Variants in COL14A1 observed in about 807,000 individuals in gnomAD.
The protein encoded by COL14A1 is collagen type XIV alpha 1 chain.
In COL14A1, 136 loss-of-function variants were observed where a neutral mutation model predicts 230.3. The observed-to-expected ratio is 0.59, with a 90% CI of 0.51 to 0.68. COL14A1 has a LOEUF of 0.68. Among genes scored for constraint, COL14A1 ranks in the 30% least tolerant of loss-of-function variants. COL14A1 has a pLI of 0.00. For synonymous variants in COL14A1, 792 were observed against 784.1 expected, an observed-to-expected ratio of 1.01 and a Z score of -0.17; for missense variants, 1,976 against 2,215.8, an observed-to-expected ratio of 0.89 and a Z score of 2.17.
chr8:120,315,563 G>A lies in COL14A1; in HGVS notation c.4582G>A (p.Asp1528Asn), dbSNP rs745550897. ...GMPGEKGEKG[D>N]TGLPGPQGIP... ...GCCAGGAGAAAAAGGAGAGAAAGGA[G>A]ATACTGGCCTTCCAGGTCCACAGGT... The change falls in exon 39 of 48, where the codon GAT becomes AAT. Residue 1528 changes from aspartate to asparagine, a missense_variant. Asp to Asn is a conservative substitution (Grantham distance 23). Coordinates refer to ENST00000297848, the MANE Select transcript of COL14A1 (RefSeq NM_021110.4). The A allele has an allele frequency of 1.9e-6, 3 of 1,613,546 alleles. No homozygotes were observed. Among genetic ancestry groups the A allele is most frequent in the Non-Finnish European group, 2.5e-6 (3 of 1,179,602 alleles).
chr8:120,246,395 T>G (rs1417265216), intron 20 of COL14A1, among the ~76,000 whole-genome samples: 1 of 152,170 alleles, frequency 6.6e-6, no homozygotes, highest in Non-Finnish European at 1.5e-5. Flanking sequence ...TTCAAACTTT[T>G]CACTCCACCT....
chr8:120,190,194 G>T (rs1402206026), intron 5 of COL14A1, among the ~76,000 whole-genome samples: 2 of 152,024 alleles, frequency 1.3e-5, no homozygotes, highest in Admixed American at 1.3e-4. Flanking sequence ...GTGTGAGATG[G>T]TATCTCATTA....
rs190861570 is a variant in COL14A1 at position 120,252,736 on chromosome 8, G to A, written c.2752+1970G>A. Among the ~76,000 whole-genome samples, 279 of 152,264 alleles carry A rather than the reference G, an allele frequency of 1.8e-3. 1 individual carries two copies. The highest frequency in any genetic ancestry group is 3.2e-3 in the Non-Finnish European group (218 of 68,030). On this transcript the variant is annotated intron_variant, in intron 22 of 47. Coordinates refer to ENST00000297848, the MANE Select transcript of COL14A1 (RefSeq NM_021110.4). The stretch of plus-strand genomic sequence containing the variant: ...TCAATAAATAACTACTATTATTATT[G>A]TAATGATGGGGCTTTATGCACTTGC...
intron 2 of COL14A1, among the ~76,000 whole-genome samples, chr8:120,153,270 C>T (rs1021702483): frequency 1.3e-5 from 2 of 152,152 alleles, no homozygotes; most frequent in African/African-American, 4.8e-5. Context: ...ATGGCCTCCA[C>T]GTCCTGGGCT....
chr8:120,314,231 C>T (rs1563732850), intron 38 of COL14A1, among the ~76,000 whole-genome samples: 1 of 152,208 alleles, frequency 6.6e-6, no homozygotes, highest in East Asian at 1.9e-4. Flanking sequence ...TACATGCATA[C>T]TTATTGGAGG....
At chr8:120,172,178 T>A (rs1816114482) in intron 5 of COL14A1, among the ~76,000 whole-genome samples, 2 of 151,640 alleles carry the variant, frequency 1.3e-5, no homozygotes, top group African/African-American at 4.9e-5. Flanking sequence ...TGAGATGGAG[T>A]CTCTCTCTGT....
chr8:120,218,135 TAATATATAAATATAAATA>T (rs961353887), intron 14 of COL14A1, among the ~76,000 whole-genome samples: 22 of 135,528 alleles, frequency 1.6e-4, no homozygotes, highest in Non-Finnish European at 1.4e-4. Flanking sequence ...TAAAAATATA[TAATATATAAATATAAATA>T]AATATATAAA....
chr8:120,307,392 A>G (rs1820887624), intron 36 of COL14A1, among the ~76,000 whole-genome samples: 2 of 152,192 alleles, frequency 1.3e-5, no homozygotes, highest in South Asian at 4.1e-4. Context: ...GTGCTGGGAC[A>G]TTTGGTCTTC....
In COL14A1 at chr8:120,158,256, A is replaced by G; in HGVS notation, c.205+10A>G. Reference sequence around the variant, plus strand: ...GTGACTCCAACTTCAGGTAAAAACAATTGACTTTGTTTTGTAGAGCATTAG... The same window carrying G: ...GTGACTCCAACTTCAGGTAAAAACAGTTGACTTTGTTTTGTAGAGCATTAG... On this transcript the variant is annotated intron_variant, in intron 3 of 47. Transcript: ENST00000297848. 6.7e-7 allele frequency: 1 copy of G among 1,491,908 alleles called. No homozygotes were observed. The highest frequency in any genetic ancestry group is 1.7e-5 in the Admixed American group (1 of 59,364). 92.4% of individuals were successfully genotyped at this position (1,491,908 alleles called of 1,614,324 possible).
At chr8:120,181,663 G>A (rs1242090147) in intron 5 of COL14A1, among the ~76,000 whole-genome samples, 1 of 152,174 alleles carries the variant, frequency 6.6e-6, no homozygotes, top group Non-Finnish European at 1.5e-5. Context: ...AAATGGTTGA[G>A]AAACATTGAT....
chr8:120,230,401 T>G (rs1391098147), intron 18 of COL14A1, among the ~76,000 whole-genome samples: 1 of 152,160 alleles, frequency 6.6e-6, no homozygotes, highest in African/African-American at 2.4e-5. Context: ...TGGCTCTCCA[T>G]TACCCATTTG....
At chr8:120,295,051 T>C (rs530438809) in intron 34 of COL14A1, among the ~76,000 whole-genome samples, 43 of 151,952 alleles carry the variant, frequency 2.8e-4, no homozygotes, top group Non-Finnish European at 5.2e-4. Context: ...TCCTGATGTA[T>C]ACTGGGGCTT....
intron 39 of COL14A1, among the ~76,000 whole-genome samples, 158 bp downstream of exon 39, chr8:120,315,744 A>G (rs1227920703): frequency 6.6e-6 from 1 of 152,228 alleles, no homozygotes; most frequent in Non-Finnish European, 1.5e-5. Context: ...TTTGAGAGTC[A>G]CACTGATGTT....
chr8:120,231,968 T>G (rs1288613020), intron 19 of COL14A1: 1 of 164,206 alleles, frequency 6.1e-6, no homozygotes, highest in Non-Finnish European at 1.3e-5. Flanking sequence ...TATAAAAGTT[T>G]AATATAGAAA....
At chr8:120,280,620 A>AT in intron 29 of COL14A1, 91 bp from the exon 30 acceptor site, 1 of 1,194,264 alleles carries the variant, frequency 8.4e-7, no homozygotes, top group Non-Finnish European at 1.2e-6. Context: ...TTCTGGAAAG[A>AT]TTGTATTAGT....
intron 37 of COL14A1, among the ~76,000 whole-genome samples, chr8:120,311,590 T>G (rs1375836204): frequency 6.6e-6 from 1 of 152,178 alleles, no homozygotes; most frequent in Admixed American, 6.5e-5. Flanking sequence ...TGTCCACCAA[T>G]GTGGACAGTG....
intron 2 of COL14A1, among the ~76,000 whole-genome samples, chr8:120,149,401 T>C (rs1056037278): frequency 1.3e-5 from 2 of 152,184 alleles, no homozygotes; most frequent in East Asian, 1.9e-4. Context: ...AGCAGGCAGT[T>C]TGGTAGACAC....
intron 40 of COL14A1, among the ~76,000 whole-genome samples, chr8:120,326,681 A>C (rs987413781): frequency 6.6e-6 from 1 of 152,152 alleles, no homozygotes; most frequent in Admixed American, 6.5e-5. Flanking sequence ...ATAATAAGAA[A>C]ATTTTCATTT....
intron 14 of COL14A1, among the ~76,000 whole-genome samples, chr8:120,223,838 T>C (rs1048264399): frequency 6.6e-6 from 1 of 152,028 alleles, no homozygotes; most frequent in South Asian, 2.1e-4. Context: ...TGCATTATTA[T>C]AAGTCCTTGT....
Sources: gnomAD v4.1 joint callset for allele counts (sites outside exome capture counted in the v4.1 genomes callset) on GRCh38, gnomAD v4.1.1 for gene constraint, MANE v1.5 for transcripts, NCBI Gene and HGNC (gene_info 2026-07-23, HGNC 2026-07-21) for gene names.